The following WAS variants were observed in gnomAD, a reference collection of about 807,000 sequenced individuals.
The protein encoded by WAS is actin nucleation-promoting factor WAS.
In WAS, 1 loss-of-function variant was observed where a neutral mutation model predicts 38.9. That is an observed-to-expected ratio of 0.03 (90% CI 0.01 to 0.12). WAS has a LOEUF of 0.12. Among genes scored for constraint, WAS ranks in the 10% least tolerant of loss-of-function variants. WAS has a pLI of 1.00. For synonymous variants in WAS, 182 were observed against 173.6 expected (o/e 1.05, Z -0.38); for missense variants, 311 against 431.2 (o/e 0.72, Z 2.47).
chrX:48,683,831 A>G lies in WAS; in HGVS notation c.-23A>G, dbSNP rs376202818. 91 of 1,207,791 alleles carry G rather than the reference A, an allele frequency of 7.5e-5. No homozygotes were observed. Among genetic ancestry groups the G allele is most frequent in the Non-Finnish European group, 9.4e-5 (84 of 893,906 alleles). On this transcript the variant is annotated 5_prime_UTR_variant, in exon 1 of 12. Coordinates refer to ENST00000376701, the MANE Select transcript of WAS (RefSeq NM_000377.3). ...TACCCTGCACCCAGAGCCTCGCCAG[A>G]GAAGACAAGGGCAGAAAGCACCATG...
rs782290152 is a variant in WAS at position 48,689,949 on chromosome X, C to T, written c.1453+515C>T. Among the ~76,000 whole-genome samples, 7 of 106,708 alleles carry T rather than the reference C, an allele frequency of 6.6e-5. No homozygotes were observed. The South Asian group carries it at 3.0e-3, about 46-fold the overall frequency. The allele number at this position is 106,708 out of a possible 115,157, so 92.7% of individuals were successfully genotyped here. ...CTGGGAGGTCAAGGCAGCAGTGATCCATGATTGTGCCACTGCACTCCAGCC... is the reference window on the plus strand; with the variant it reads ...CTGGGAGGTCAAGGCAGCAGTGATCTATGATTGTGCCACTGCACTCCAGCC... On this transcript the variant is annotated intron_variant, in intron 11 of 11. Coordinates refer to ENST00000376701, the MANE Select transcript of WAS (RefSeq NM_000377.3).
At position 48,689,337 on chromosome X, in the gene WAS, G is replaced by T. The variant is rs1557007428; in HGVS notation, c.1356G>T (p.Glu452Asp). Reference protein sequence around the residue: ...IQLNKTPGAPESSALQPPPQS... With the variant: ...IQLNKTPGAPDSSALQPPPQS... ...TGCTGCAGACCCCTGGGGCCCCAGA[G>T]AGCTCAGCGCTGCAGCCACCACCTC... The change falls in exon 11 of 12, where the codon GAG becomes GAT. Residue 452 changes from glutamate to aspartate, a missense_variant. Glu to Asp is a conservative substitution (Grantham distance 45). This residue lies in a region of WAS where 142 missense variants were observed against 157.6 expected (regional missense o/e 0.90). Coordinates refer to ENST00000376701, the MANE Select transcript of WAS (RefSeq NM_000377.3). 8.3e-7 allele frequency: 1 copy of T among 1,205,890 alleles called. No individual in the cohort carries two copies. The highest frequency in any genetic ancestry group is 2.2e-5 in the Admixed American group (1 of 45,285).
At chrX:48,682,254 A>G (rs2062402710), upstream of WAS, among the ~76,000 whole-genome samples, 1 of 112,027 alleles carries the variant, frequency 8.9e-6, no homozygotes, top group South Asian at 3.6e-4. Context: ...GAATATGGAC[A>G]CCCAGGCTGC....
At position 48,688,996 on chromosome X, in the gene WAS, G is replaced by A. The variant is rs868943283; in HGVS notation, c.1268G>A (p.Gly423Glu). Residue 423 changes from glycine (G) to glutamate (E), a missense_variant, in exon 10 of 12, where the codon GGG becomes GAG. Transcript: ENST00000376701. ...PPLPPALVPA[G>E]GLAPGGGRGA... ...CTCCCTCCTGCTCTGGTGCCTGCCG[G>A]GGGCCTGGCCCCTGGTGGGGGTCGG... 8.3e-7 allele frequency: 1 copy of A among 1,200,897 alleles called. No homozygotes were observed. Among genetic ancestry groups the A allele is most frequent in the East Asian group, 3.0e-5 (1 of 33,495 alleles).
chrX:48,689,513 C>T, intron 11 of WAS, 79 bp downstream of exon 11: 3 of 818,130 alleles, frequency 3.7e-6, no homozygotes, highest in Non-Finnish European at 5.4e-6. Flanking sequence ...CAGTCACCAC[C>T]AATAGTGACA....
chrX:48,684,147 T>C, intron 1 of WAS, 136 bp from the exon 2 acceptor site: 2 of 1,096,572 alleles, frequency 1.8e-6, no homozygotes, highest in East Asian at 6.1e-5. Context: ...GATCTCAATG[T>C]CTACTTGCCT....
In WAS at chrX:48,688,779, C is replaced by G; in HGVS notation, c.1051C>G (p.Pro351Ala). 8.8e-7 allele frequency: 1 copy of G among 1,139,170 alleles called. No individual in the cohort carries two copies. The highest frequency in any genetic ancestry group is 1.2e-6 in the Non-Finnish European group (1 of 854,520). 93.9% of individuals were successfully genotyped at this position (1,139,170 alleles called of 1,213,427 possible). A position where few individuals can be genotyped will look rare whatever the true frequency, so the allele number is the denominator to read the frequency against. The change falls in exon 10 of 12, where the codon CCA becomes GCA. Residue 351 changes from proline to alanine, a missense_variant. Pro to Ala is a conservative substitution (Grantham distance 27, BLOSUM62 -1). Coordinates refer to ENST00000376701, the MANE Select transcript of WAS (RefSeq NM_000377.3). Reference protein sequence around the residue: ...PLPPVPLGIAPPPPTPRGPPP... With the variant: ...PLPPVPLGIAAPPPTPRGPPP... ...GCCCCCTGTACCTTTGGGGATTGCC[C>G]CACCCCCACCAACACCCCGGGGACC...
Position 48,687,302 on chromosome X carries a change from G to A in WAS, c.734+347G>A, listed in dbSNP as rs184064819. Reference sequence around the variant, plus strand: ...TAGGAGAGCAGGTGGGTGGGCAGGTGAACAAATGGATAGATAGATGAGGTA... The same window carrying A: ...TAGGAGAGCAGGTGGGTGGGCAGGTAAACAAATGGATAGATAGATGAGGTA... On this transcript the variant is annotated intron_variant, in intron 7 of 11. Coordinates refer to ENST00000376701, the MANE Select transcript of WAS (RefSeq NM_000377.3). Among the ~76,000 whole-genome samples the A allele has an allele frequency of 5.1e-4, 57 of 111,761 alleles. 1 individual carries two copies. Among genetic ancestry groups the A allele is most frequent in the African/African-American group, 1.9e-3 (57 of 30,746 alleles).
In WAS at chrX:48,684,432, C is replaced by T. The variant is rs782068896; in HGVS notation, c.273+9C>T. The T allele has an allele frequency of 3.3e-6, 4 of 1,203,399 alleles. No individual in the cohort carries two copies. In the East Asian group the frequency reaches 1.2e-4, roughly 36 times the overall value. On this transcript the variant is annotated intron_variant, in intron 2 of 11. Coordinates refer to ENST00000376701, the MANE Select transcript of WAS (RefSeq NM_000377.3). ...GCCTTTACGGCCTTCAGGTGACCCC[C>T]CCACCCCCGACTGGACTTGCAAGCC...
At chrX:48,684,806 A>G (rs1466780085) in intron 2 of WAS, among the ~76,000 whole-genome samples, 1 of 111,592 alleles carries the variant, frequency 9.0e-6, no homozygotes, top group East Asian at 2.8e-4. Context: ...TAAGTCATAA[A>G]TCTGTTCAAC....
chrX:48,691,075 C>T, intron 11 of WAS, 32 bp from the exon 12 acceptor site: 1 of 1,203,738 alleles, frequency 8.3e-7, no homozygotes, highest in Non-Finnish European at 1.1e-6. Flanking sequence ...CACCAACCTC[C>T]CAGGGCATCT....
At chrX:48,686,702 A>C in intron 6 of WAS, 79 bp from the exon 7 acceptor site, 2 of 1,140,601 alleles carry the variant, frequency 1.8e-6, no homozygotes, top group South Asian at 1.9e-5. Context: ...GATTTCCCTC[A>C]AGGCTTCCGT....
chrX:48,683,602 G>C (rs1474932717), upstream of WAS, among the ~76,000 whole-genome samples: 2 of 111,234 alleles, frequency 1.8e-5, no homozygotes, highest in Non-Finnish European at 3.8e-5. Context: ...AGTAAGAAAG[G>C]GGGAGGAGGA....
At chrX:48,684,006 C>T in intron 1 of WAS, 21 bp downstream of exon 1, 1 of 1,210,238 alleles carries the variant, frequency 8.3e-7, no homozygotes. Context: ...GATCTCCTGC[C>T]CCCGCCCCGT....
Position 48,688,725 on chromosome X carries a change from G to A in WAS, c.997G>A (p.Gly333Arg). 1 of 1,179,274 alleles carries A rather than the reference G, an allele frequency of 8.5e-7. No individual in the cohort carries two copies. The highest frequency in any genetic ancestry group is 1.1e-6 in the Non-Finnish European group (1 of 879,462). Residue 333 changes from glycine (G) to arginine (R), a missense_variant, in exon 10 of 12, where the codon GGG becomes AGG. By Grantham distance (125) the Gly-to-Arg change is moderately radical. Transcript: ENST00000376701. ...GNQLPRPPIV[G>R]GNKGRSGPLP... is the part of the protein sequence containing the mutation. ...CCAGCTCCCCCGGCCCCCTATTGTG[G>A]GGGGTAACAAGGGTCGTTCTGGTCC...
upstream of WAS, among the ~76,000 whole-genome samples, chrX:48,682,877 G>C (rs1296289262): frequency 1.9e-5 from 2 of 105,311 alleles, no homozygotes; most frequent in East Asian, 6.0e-4. Context: ...CCTGGCGACA[G>C]AGTGAGACTC....
chrX:48,689,123 A>G lies in WAS; in HGVS notation c.1338+57A>G, dbSNP rs2062431609. 15 of 1,129,640 alleles carry G rather than the reference A, an allele frequency of 1.3e-5. No homozygotes were observed. The South Asian group carries it at 2.4e-4, about 18-fold the overall frequency. The allele number at this position is 1,129,640 out of a possible 1,213,427, so 93.1% of individuals were successfully genotyped here. ...CTAGGACTCTGGGGTGTCCCGTCTA[A>G]GTCAGGATACTGGGGGGCTGAGGCC... On this transcript the variant is annotated intron_variant, in intron 10 of 11. Coordinates refer to ENST00000376701, the MANE Select transcript of WAS (RefSeq NM_000377.3).
Position 48,689,337 on chromosome X carries a change from G to A in WAS, c.1356G>A (p.Glu452=). The change falls in exon 11 of 12, where the codon GAG becomes GAA. Residue 452 remains glutamate (E), a synonymous_variant. Coordinates refer to ENST00000376701, the MANE Select transcript of WAS (RefSeq NM_000377.3). ...IQLNKTPGAP[E]SSALQPPPQS... ...TGCTGCAGACCCCTGGGGCCCCAGA[G>A]AGCTCAGCGCTGCAGCCACCACCTC... 8.3e-7 allele frequency: 1 copy of A among 1,205,890 alleles called. No individual in the cohort carries two copies. Among genetic ancestry groups the A allele is most frequent in the Non-Finnish European group, 1.1e-6 (1 of 892,807 alleles).
Position 48,685,994 on chromosome X carries a change from C to A in WAS, c.505+7C>A. 1 of 1,211,581 alleles carries A rather than the reference C, an allele frequency of 8.3e-7. No homozygotes were observed. The highest frequency in any genetic ancestry group is 1.7e-5 in the African/African-American group (1 of 57,786). On this transcript the variant is annotated splice_region_variant and intron_variant, in intron 5 of 11. Transcript: ENST00000376701. ...CCAACACCAGCCAATGAAGGTGAGTCCTCTAGTGCAAGTAGGGGTAATAAG... is the reference window on the plus strand; with the variant it reads ...CCAACACCAGCCAATGAAGGTGAGTACTCTAGTGCAAGTAGGGGTAATAAG...
Sources: gnomAD v4.1 joint callset for allele counts (sites outside exome capture counted in the v4.1 genomes callset) on GRCh38, gnomAD v4.1.1 for gene constraint, gnomAD v4.1.1 regional missense constraint, MANE v1.5 for transcripts, NCBI Gene and HGNC (gene_info 2026-07-23, HGNC 2026-07-21) for gene names.